ZCWPW2: variants seen among roughly 807,000 people sequenced by gnomAD.
ZCWPW2 encodes zinc finger CW-type and PWWP domain containing 2, also known as zinc finger CW-type PWWP domain protein 2.
A neutral mutation model predicts 46.6 loss-of-function variants in ZCWPW2; 45 were observed. The observed-to-expected ratio is 0.96, with a 90% confidence interval of 0.76 to 1.24. ZCWPW2 has a LOEUF of 1.24. ZCWPW2 is among the 50% of genes most tolerant of loss of function. The probability of loss-of-function intolerance (pLI) is 0.00; values close to 1 mark genes in which losing one functional copy is unlikely to be tolerated. For missense variants in ZCWPW2, 429 were observed against 403.9 expected, an observed-to-expected ratio of 1.06 and a Z score of -0.53; for synonymous variants, 152 against 137.1, an observed-to-expected ratio of 1.11 and a Z score of -0.76.
In ZCWPW2 at chr3:28,516,975, G is replaced by A. The variant is rs1370949177; in HGVS notation, c.784+1354G>A. On this transcript the variant is annotated intron_variant, in intron 8 of 9. Coordinates refer to ENST00000383768, the MANE Select transcript of ZCWPW2 (RefSeq NM_001040432.4). The stretch of plus-strand genomic sequence containing the variant: ...TGCAGTGATCTATGATCACGCCACT[G>A]CACTCCACTCTGGGTTACAGAAAGG... Among the ~76,000 whole-genome samples, 3 of 152,164 alleles carry A rather than the reference G, an allele frequency of 2.0e-5. No homozygotes were observed. In the East Asian group the frequency reaches 5.8e-4, roughly 29 times the overall value.
At chr3:28,434,987 G>A in intron 3 of ZCWPW2, 123 bp from the exon 4 acceptor site, 1 of 949,302 alleles carries the variant, frequency 1.1e-6, no homozygotes, top group Non-Finnish European at 1.6e-6. Context: ...ATATAAGTAG[G>A]AATATATGTT....
rs1011133187 is a variant in ZCWPW2, at chr3:28,390,736, T to A, written c.-14+119T>A. On this transcript the variant is annotated intron_variant, in intron 2 of 9. Coordinates refer to ENST00000383768, the MANE Select transcript of ZCWPW2 (RefSeq NM_001040432.4). The stretch of plus-strand genomic sequence containing the variant: ...ATGTAAAAAAATTCACCTGTATAAC[T>A]TCTCTATGAAATAATAATTTTTCAG... 10 of 751,360 alleles carry A rather than the reference T, an allele frequency of 1.3e-5. No individual in the cohort carries two copies. The East Asian group carries it at 1.2e-3, about 88-fold the overall frequency. The allele number at this position is 751,360 out of a possible 1,614,324, so 46.5% of individuals were successfully genotyped here.
intron 5 of ZCWPW2, among the ~76,000 whole-genome samples, chr3:28,481,083 T>C (rs528339851): frequency 6.6e-6 from 1 of 152,144 alleles, no homozygotes; most frequent in East Asian, 1.9e-4. Flanking sequence ...GCCAGGCTGG[T>C]CTTGAACTTC....
In ZCWPW2 at chr3:28,487,494, CCTATCTGTT is replaced by C. The variant is rs1302598884; in HGVS notation, c.611-4632_611-4624del. Among the ~76,000 whole-genome samples, 8 of 152,188 alleles carry C rather than the reference CCTATCTGTT, an allele frequency of 5.3e-5. No homozygotes were observed. The East Asian group carries it at 7.7e-4, about 15-fold the overall frequency. The stretch of plus-strand genomic sequence containing the variant: ...AATTTTCATTTCTTTGCTTACGTTA[CCTATCTGTT>C]ATTGCATATTGTCTACTTTTAACAC... On this transcript the variant is annotated intron_variant, in intron 5 of 9. Transcript: ENST00000383768.
At chr3:28,482,705 A>G (rs867936041) in intron 5 of ZCWPW2, among the ~76,000 whole-genome samples, 1 of 152,158 alleles carries the variant, frequency 6.6e-6, no homozygotes, top group Admixed American at 6.5e-5. Context: ...GTAGGTGTGT[A>G]GTGGCACCTC....
At chr3:28,383,578 T>TA (rs773083516) in intron 1 of ZCWPW2, among the ~76,000 whole-genome samples, 172 of 147,956 alleles carry the variant, frequency 1.2e-3, no homozygotes, top group Middle Eastern at 3.5e-3. Flanking sequence ...ACTTTATAAG[T>TA]AAAAAAAAAA....
intron 2 of ZCWPW2, among the ~76,000 whole-genome samples, chr3:28,400,367 G>T (rs974050074): frequency 3.9e-5 from 6 of 152,188 alleles, no homozygotes; most frequent in Admixed American, 2.0e-4. Flanking sequence ...AAACATATTT[G>T]GGAGAATAAT....
intron 1 of ZCWPW2, among the ~76,000 whole-genome samples, chr3:28,357,864 T>C (rs1472809720): frequency 2.0e-5 from 3 of 149,932 alleles, no homozygotes; most frequent in Non-Finnish European, 3.0e-5. Flanking sequence ...TCTGTTTCTC[T>C]ACAGAACCCT....
intron 4 of ZCWPW2, among the ~76,000 whole-genome samples, chr3:28,452,790 C>A (rs1168543860): frequency 6.6e-6 from 1 of 152,058 alleles, no homozygotes; most frequent in East Asian, 1.9e-4. Flanking sequence ...TCCCTAGGAC[C>A]CCATCTCTAT....
intron 1 of ZCWPW2, among the ~76,000 whole-genome samples, chr3:28,383,698 A>G (rs1241235427): frequency 6.6e-6 from 1 of 152,122 alleles, no homozygotes. Flanking sequence ...ATGAATTCTG[A>G]ACGTGGACCT....
intron 1 of ZCWPW2, among the ~76,000 whole-genome samples, chr3:28,386,222 A>T (rs1182996495): frequency 6.6e-6 from 1 of 152,122 alleles, no homozygotes; most frequent in Admixed American, 6.6e-5. Flanking sequence ...CCCTTATAAG[A>T]AAAGACACCA....
intron 9 of ZCWPW2, among the ~76,000 whole-genome samples, chr3:28,521,824 G>A (rs1700731903): frequency 6.6e-6 from 1 of 152,122 alleles, no homozygotes; most frequent in African/African-American, 2.4e-5. Flanking sequence ...ATGGCAGTGA[G>A]GAGTTCTGTA....
Position 28,348,826 on chromosome 3 carries a change from G to C in ZCWPW2, c.-511G>C. On this transcript the variant is annotated 5_prime_UTR_variant, in exon 1 of 10. Coordinates refer to ENST00000383768, the MANE Select transcript of ZCWPW2 (RefSeq NM_001040432.4). ...GAGCCCGGGACGTTCTGGAAGGAGG[G>C]ACGAGCCGAGGCAGGAGGGGCCGGG... 2 of 430,634 alleles carry C rather than the reference G, an allele frequency of 4.6e-6. No homozygotes were observed. The highest frequency in any genetic ancestry group is 6.2e-6 in the Non-Finnish European group (2 of 322,598). 26.7% of individuals were successfully genotyped at this position (430,634 alleles called of 1,614,324 possible). A position where few individuals can be genotyped will look rare whatever the true frequency, so the allele number is the denominator to read the frequency against.
chr3:28,378,875 A>G (rs1341988479), intron 1 of ZCWPW2, among the ~76,000 whole-genome samples: 1 of 152,148 alleles, frequency 6.6e-6, no homozygotes, highest in African/African-American at 2.4e-5. Flanking sequence ...CACTACATAA[A>G]CTATAATACA....
At chr3:28,386,985 C>G (rs1434412764) in intron 1 of ZCWPW2, among the ~76,000 whole-genome samples, 1 of 152,208 alleles carries the variant, frequency 6.6e-6, no homozygotes, top group Non-Finnish European at 1.5e-5. Context: ...GCAGTAAAAA[C>G]TTCCTGTTCC....
At chr3:28,523,504 T>C (rs1700775383) in intron 9 of ZCWPW2, among the ~76,000 whole-genome samples, 1 of 152,150 alleles carries the variant, frequency 6.6e-6, no homozygotes, top group Non-Finnish European at 1.5e-5. Flanking sequence ...TGGCCTCTTA[T>C]AAGTTAAGTA....
At chr3:28,363,011 G>A (rs1260389904) in intron 1 of ZCWPW2, among the ~76,000 whole-genome samples, 1 of 140,850 alleles carries the variant, frequency 7.1e-6, no homozygotes, top group Non-Finnish European at 1.5e-5. Context: ...GATAAATGAT[G>A]AGACCACATG....
At chr3:28,435,450 G>C (rs965406051) in intron 4 of ZCWPW2, among the ~76,000 whole-genome samples, 181 bp downstream of exon 4, 23 of 150,284 alleles carry the variant, frequency 1.5e-4, no homozygotes, top group Admixed American at 7.9e-4. Context: ...ATATAAAATA[G>C]TTGTGAGAGT....
chr3:28,451,850 AC>A (rs1356114585), intron 4 of ZCWPW2, among the ~76,000 whole-genome samples: 7 of 152,174 alleles, frequency 4.6e-5, no homozygotes, highest in Admixed American at 4.6e-4. Context: ...GAAAATAAAA[AC>A]TAAAAACTAA....
Sources: gnomAD v4.1 joint callset for allele counts (sites outside exome capture counted in the v4.1 genomes callset) on GRCh38, gnomAD v4.1.1 for gene constraint, MANE v1.5 for transcripts, NCBI Gene and HGNC (gene_info 2026-07-23, HGNC 2026-07-21) for gene names.